Variants in ORM2 observed in about 807,000 individuals in gnomAD.
ORM2 encodes the protein orosomucoid 2.
ORM2 carries 19 observed loss-of-function variants against 26.8 expected under a neutral mutation model. That is an observed-to-expected ratio of 0.71 (90% CI 0.49 to 1.04). The LOEUF (loss-of-function observed/expected upper bound fraction) is 1.04, where lower values mean the gene tolerates loss of function less well. Ranked by LOEUF, ORM2 falls within the 50% of genes least tolerant of loss-of-function variation. ORM2 has a pLI of 0.00. For synonymous variants in ORM2, 94 were observed against 100.0 expected, an observed-to-expected ratio of 0.94 and a Z score of 0.36; for missense variants, 259 against 244.9, an observed-to-expected ratio of 1.06 and a Z score of -0.39.
rs202228078 is a variant in ORM2 at position 114,330,619 on chromosome 9, C to A, written c.257+43C>A. On this transcript the variant is annotated intron_variant, in intron 2 of 5. Transcript: ENST00000431067. ...AATGCACCCCCATCTCAGCTTCTGGCCAGAAGACCTGAGCAAGTCCCTCCT... is the reference window on the plus strand; with the variant it reads ...AATGCACCCCCATCTCAGCTTCTGGACAGAAGACCTGAGCAAGTCCCTCCT... 3.3e-3 allele frequency: 5,241 copies of A among 1,605,888 alleles called. 43 individuals are homozygous for A. Among genetic ancestry groups the A allele is most frequent in the Middle Eastern group, 0.011 (65 of 6,046 alleles).
rs376804960 is a variant in ORM2 at position 114,331,652 on chromosome 9, G to T, written c.414G>T (p.Lys138Asn). Reference protein sequence around the residue: ...LMFGSYLDDEKNWGLSFYADK... With the variant: ...LMFGSYLDDENNWGLSFYADK... ...TTGGTTCCTACCTGGACGATGAGAA[G>T]AACTGGGGGCTGTCTTTCTATGGTA... Residue 138 changes from lysine to asparagine, a missense_variant, in exon 4 of 6, where the codon AAG becomes AAT. By Grantham distance (94) the Lys-to-Asn change is moderately conservative. Around this residue, in one of 2 missense-constraint regions of ORM2, gnomAD observed 251 missense variants for 220.5 expected, o/e 1.14. Coordinates refer to ENST00000431067, the MANE Select transcript of ORM2 (RefSeq NM_000608.4). The T allele has an allele frequency of 1.2e-6, 2 of 1,613,834 alleles. No individual in the cohort carries two copies. Among genetic ancestry groups the T allele is most frequent in the Non-Finnish European group, 1.7e-6 (2 of 1,179,892 alleles).
intron 5 of ORM2, among the ~76,000 whole-genome samples, chr9:114,332,408 C>T (rs1476989436): frequency 6.6e-6 from 1 of 152,056 alleles, no homozygotes; most frequent in East Asian, 1.9e-4. Flanking sequence ...TAATGAGCTC[C>T]TTAACACTTT....
Position 114,333,118 on chromosome 9 carries a change from A to C in ORM2, c.590A>C (p.Glu197Ala). The C allele has an allele frequency of 6.3e-7, 1 of 1,581,992 alleles. No homozygotes were observed. Among genetic ancestry groups the C allele is most frequent in the Non-Finnish European group, 8.6e-7 (1 of 1,165,606 alleles). ...CAGCACGAGAAGGAGAGGAAACAGG[A>C]GGAGGGGGAATCCTAGCAGGACACA... ...EKQHEKERKQ[E>A]EGES Residue 197 changes from glutamate to alanine, a missense_variant, in exon 6 of 6, where the codon GAG becomes GCG. Glu to Ala is a moderately radical substitution (Grantham distance 107). This residue lies in a region of ORM2 where 8 missense variants were observed against 24.4 expected (regional missense o/e 0.33). Transcript: ENST00000431067.
Position 114,331,647 on chromosome 9 carries a change from G to T in ORM2, c.409G>T (p.Glu137Ter). 1 of 1,613,912 alleles carries T rather than the reference G, an allele frequency of 6.2e-7. No individual in the cohort carries two copies. ...TLMFGSYLDD[E>*]KNWGLSFYAD... is the part of the protein sequence containing the mutation. ...GATGTTTGGTTCCTACCTGGACGAT[G>T]AGAAGAACTGGGGGCTGTCTTTCTA... The change falls in exon 4 of 6, where the codon GAG becomes TAG. Residue 137 changes from glutamate to a stop codon, truncating the protein, a stop_gained. Transcript: ENST00000431067. LOFTEE classifies it high-confidence loss of function.
chr9:114,330,102 C>T (rs778811217), intron 1 of ORM2, 84 bp downstream of exon 1: 22 of 1,610,962 alleles, frequency 1.4e-5, no homozygotes, highest in South Asian at 5.5e-5. Context: ...TGGCTGTGGT[C>T]GCACCCCCAC....
chr9:114,331,095 A>C (rs1829843346), intron 3 of ORM2, among the ~76,000 whole-genome samples: 2 of 152,108 alleles, frequency 1.3e-5, no homozygotes, highest in African/African-American at 4.8e-5. Flanking sequence ...CACAGCTTAT[A>C]ATTAGAACTA....
chr9:114,331,672 A>G lies in ORM2; in HGVS notation c.434A>G (p.Tyr145Cys). ...GAGAAGAACTGGGGGCTGTCTTTCT[A>G]TGGTAGGCATGCTTAGCAGCCCCAA... ...DDEKNWGLSF[Y>C]ADKPETTKEQ... is the part of the protein sequence containing the mutation. Residue 145 changes from tyrosine to cysteine, a missense_variant and splice_region_variant, in exon 4 of 6, where the codon TAT (tyrosine) becomes TGT (cysteine). Physicochemically the swap from Tyr to Cys is radical, Grantham distance 194. Coordinates refer to ENST00000431067, the MANE Select transcript of ORM2 (RefSeq NM_000608.4). The G allele has an allele frequency of 1.2e-6, 2 of 1,612,634 alleles. No individual in the cohort carries two copies. Among genetic ancestry groups the G allele is most frequent in the Non-Finnish European group, 1.7e-6 (2 of 1,178,956 alleles).
chr9:114,331,289 C>T (rs749969155), intron 3 of ORM2, among the ~76,000 whole-genome samples: 5 of 152,054 alleles, frequency 3.3e-5, no homozygotes, highest in Non-Finnish European at 7.4e-5. Flanking sequence ...TTTAGCATCC[C>T]GAGCCTCCTC....
At chr9:114,330,709 C>T in intron 2 of ORM2, 83 bp from the exon 3 acceptor site, 3 of 1,598,480 alleles carry the variant, frequency 1.9e-6, no homozygotes, top group Non-Finnish European at 2.6e-6. Flanking sequence ...CCACCAGACT[C>T]TTGCCCCGGG....
At chr9:114,331,047 CAT>C (rs1472448870) in intron 3 of ORM2, among the ~76,000 whole-genome samples, 185 bp downstream of exon 3, 1 of 152,042 alleles carries the variant, frequency 6.6e-6, no homozygotes, top group African/African-American at 2.4e-5. Flanking sequence ...GATGAGGAAA[CAT>C]AAGAACAGAG....
intron 5 of ORM2, 89 bp from the exon 6 acceptor site, chr9:114,332,980 G>A (rs1180968464): frequency 3.2e-6 from 5 of 1,578,894 alleles, no homozygotes; most frequent in Non-Finnish European, 4.3e-6. Context: ...CCACAGGCCA[G>A]AGCTCATTCT....
chr9:114,331,843 A>T lies in ORM2; in HGVS notation c.454A>T (p.Thr152Ser), dbSNP rs147741369. Residue 152 changes from threonine (T) to serine (S), a missense_variant, in exon 5 of 6, where the codon ACC (threonine) becomes TCC (serine). Physicochemically the swap from Thr to Ser is moderately conservative, Grantham distance 58. Coordinates refer to ENST00000431067, the MANE Select transcript of ORM2 (RefSeq NM_000608.4). ...LSFYADKPET[T>S]KEQLGEFYEA... ...CCCTGCAGCTGACAAGCCAGAGACG[A>T]CCAAGGAGCAACTGGGAGAGTTCTA... 1,810 of 1,613,750 alleles carry T rather than the reference A, an allele frequency of 1.1e-3. 6 individuals carry two copies. The highest frequency in any genetic ancestry group is 2.5e-3 in the South Asian group (227 of 91,070).
At chr9:114,332,230 C>T (rs1185091398) in intron 5 of ORM2, among the ~76,000 whole-genome samples, 2 of 151,960 alleles carry the variant, frequency 1.3e-5, no homozygotes. Context: ...CGGGGAGTTA[C>T]CACCTACAGA....
intron 5 of ORM2, among the ~76,000 whole-genome samples, chr9:114,332,206 G>A (rs1829865335): frequency 6.6e-6 from 1 of 151,882 alleles, no homozygotes; most frequent in Non-Finnish European, 1.5e-5. Context: ...TTGGCAATTG[G>A]AGGGGACGTA....
Position 114,330,076 on chromosome 9 carries a change from G to T in ORM2, c.114+58G>T, listed in dbSNP as rs781625321. 4 of 1,611,216 alleles carry T rather than the reference G, an allele frequency of 2.5e-6. No individual in the cohort carries two copies. The East Asian group carries it at 8.9e-5, about 36-fold the overall frequency. ...ATGGGCAGCTGCCTCCCTTCTCTGG[G>T]CTTCCCTTTACCTGCTGGCTGTGGT... On this transcript the variant is annotated intron_variant, in intron 1 of 5. Coordinates refer to ENST00000431067, the MANE Select transcript of ORM2 (RefSeq NM_000608.4).
At chr9:114,332,782 G>A (rs946125130) in intron 5 of ORM2, among the ~76,000 whole-genome samples, 1 of 152,218 alleles carries the variant, frequency 6.6e-6, no homozygotes, top group Non-Finnish European at 1.5e-5. Context: ...TGGTTGTGAG[G>A]AATTCAGGAG....
At chr9:114,330,216 C>A in intron 1 of ORM2, 198 bp downstream of exon 1, 1 of 724,522 alleles carries the variant, frequency 1.4e-6, no homozygotes, top group Non-Finnish European at 2.5e-6. Context: ...AGCCTCACTG[C>A]AGAGTCCTTC....
At chr9:114,330,894 C>G in intron 3 of ORM2, 32 bp downstream of exon 3, 1 of 1,590,288 alleles carries the variant, frequency 6.3e-7, no homozygotes. Context: ...GGAGGGTTCA[C>G]CGTGGGAACA....
chr9:114,330,110 C>G lies in ORM2; in HGVS notation c.114+92C>G, dbSNP rs116200975. 5 of 1,608,728 alleles carry G rather than the reference C, an allele frequency of 3.1e-6. No homozygotes were observed. The East Asian group carries it at 8.9e-5, about 29-fold the overall frequency. On this transcript the variant is annotated intron_variant, in intron 1 of 5. Transcript: ENST00000431067. ...TACCTGCTGGCTGTGGTCGCACCCCCACTCCCAGCTCTGCCTTTTTCTCTT... is the reference window on the plus strand; with the variant it reads ...TACCTGCTGGCTGTGGTCGCACCCCGACTCCCAGCTCTGCCTTTTTCTCTT...
Sources: allele counts gnomAD v4.1 joint callset (sites outside exome capture counted in the v4.1 genomes callset), GRCh38; gene constraint gnomAD v4.1.1; regional missense constraint gnomAD v4.1.1; transcripts MANE v1.5; gene names NCBI Gene and HGNC (gene_info 2026-07-23, HGNC 2026-07-21).